Variants in PRKG1 observed in about 807,000 individuals in gnomAD.
PRKG1 encodes the protein cGMP-dependent protein kinase 1.
In PRKG1, 35 loss-of-function variants were observed where a neutral mutation model predicts 88.1. That is an observed-to-expected ratio of 0.40 (90% CI 0.30 to 0.53). The LOEUF (loss-of-function observed/expected upper bound fraction) is 0.53. PRKG1 is among the 20% of genes least tolerant of loss of function. PRKG1 has a pLI of 0.59. For synonymous variants in PRKG1, 303 were observed against 292.5 expected (o/e 1.04, Z -0.37); for missense variants, 540 against 839.8 (o/e 0.64, Z 4.41).
At chr10:51,586,400 A>G (rs146800296) in intron 3 of PRKG1, among the ~76,000 whole-genome samples, 145 of 152,250 alleles carry the variant, frequency 9.5e-4, no homozygotes, top group African/African-American at 3.3e-3. Context: ...GAATGATGAT[A>G]AAAGGAAGAA....
At chr10:51,959,236 A>C (rs887182270) in intron 5 of PRKG1, among the ~76,000 whole-genome samples, 11 of 152,180 alleles carry the variant, frequency 7.2e-5, no homozygotes, top group African/African-American at 2.7e-4. Flanking sequence ...AAATGTGTAC[A>C]AATATGCAAT....
At chr10:51,369,384 T>A (rs1249712024) in intron 2 of PRKG1, among the ~76,000 whole-genome samples, 1 of 151,968 alleles carries the variant, frequency 6.6e-6, no homozygotes. Flanking sequence ...GCAGGAGGGG[T>A]GAGGGAGGTC....
intron 5 of PRKG1, among the ~76,000 whole-genome samples, chr10:51,958,856 A>T (rs1280114763): frequency 6.6e-6 from 1 of 152,102 alleles, no homozygotes; most frequent in Non-Finnish European, 1.5e-5. Flanking sequence ...ACAATGTTAG[A>T]GGTAGAAGGC....
chr10:51,830,438 A>G (rs1455085114), intron 4 of PRKG1, among the ~76,000 whole-genome samples: 1 of 152,074 alleles, frequency 6.6e-6, no homozygotes, highest in Non-Finnish European at 1.5e-5. Context: ...CAGGTCATAC[A>G]TACACATTCA....
chr10:51,196,406 T>G (rs1837766715), intron 2 of PRKG1, among the ~76,000 whole-genome samples: 1 of 152,152 alleles, frequency 6.6e-6, no homozygotes, highest in Non-Finnish European at 1.5e-5. Flanking sequence ...ACCACCATGT[T>G]AGGCAAAATT....
chr10:52,108,843 T>C (rs952239919), intron 7 of PRKG1, among the ~76,000 whole-genome samples: 5 of 150,104 alleles, frequency 3.3e-5, no homozygotes, highest in Non-Finnish European at 5.9e-5. Flanking sequence ...TTTTTTTTTT[T>C]TGAGATGGAG....
At chr10:52,062,652 A>T in intron 7 of PRKG1, 21 bp downstream of exon 7, 1 of 1,552,454 alleles carries the variant, frequency 6.4e-7, no homozygotes, top group Non-Finnish European at 8.8e-7. Flanking sequence ...CATGTGTTAT[A>T]CAGGTTTTTG....
chr10:51,505,639 C>G (rs897196786), intron 3 of PRKG1, among the ~76,000 whole-genome samples: 1 of 152,092 alleles, frequency 6.6e-6, no homozygotes, highest in Non-Finnish European at 1.5e-5. Context: ...ATTATTGCCT[C>G]AATTTCAGAG....
intron 3 of PRKG1, among the ~76,000 whole-genome samples, chr10:51,666,661 C>A (rs1447020061): frequency 6.6e-6 from 1 of 152,146 alleles, no homozygotes. Context: ...ATAAATCCAC[C>A]CACATGGTAG....
intron 3 of PRKG1, among the ~76,000 whole-genome samples, chr10:51,665,489 C>T (rs1164815619): frequency 6.6e-6 from 1 of 152,074 alleles, no homozygotes; most frequent in Non-Finnish European, 1.5e-5. Context: ...ATTATCCACC[C>T]ATAGTCAACA....
rs180825856 is a variant in PRKG1 at position 51,440,961 on chromosome 10, A to G, written c.479-26762A>G. On this transcript the variant is annotated intron_variant, in intron 2 of 17. Coordinates refer to ENST00000373980, the MANE Select transcript of PRKG1 (RefSeq NM_006258.4). ...ATAAAATCAGGAAAAGAATGGGTACAATAAATGTGGACTTTAAACATTAAA... is the reference window on the plus strand; with the variant it reads ...ATAAAATCAGGAAAAGAATGGGTACGATAAATGTGGACTTTAAACATTAAA... 4.1e-3 allele frequency among the ~76,000 whole-genome samples: 621 copies of G among 152,132 alleles called. 7 individuals carry two copies. The highest frequency in any genetic ancestry group is 0.014 in the African/African-American group (596 of 41,566).
At chr10:51,347,932 G>C (rs1055073845) in intron 2 of PRKG1, among the ~76,000 whole-genome samples, 3 of 151,940 alleles carry the variant, frequency 2.0e-5, no homozygotes, top group Admixed American at 6.6e-5. Flanking sequence ...GCATGGTGGC[G>C]GGTGCCTGTA....
intron 2 of PRKG1, among the ~76,000 whole-genome samples, chr10:51,335,138 G>T (rs982449760): frequency 6.7e-6 from 1 of 148,458 alleles, no homozygotes; most frequent in Admixed American, 6.8e-5. Flanking sequence ...TCAGCCACCC[G>T]AGGAGCTGGG....
intron 7 of PRKG1, among the ~76,000 whole-genome samples, chr10:52,116,201 T>G (rs73342957): frequency 6.6e-6 from 1 of 152,148 alleles, no homozygotes; most frequent in Admixed American, 6.5e-5. Context: ...TTTGTTTCCA[T>G]ATTAAGTTAG....
At chr10:50,997,912 TCAC>T (rs561176507) in intron 1 of PRKG1, among the ~76,000 whole-genome samples, 2 of 152,214 alleles carry the variant, frequency 1.3e-5, no homozygotes, top group Non-Finnish European at 2.9e-5. Context: ...TGTCAAACTG[TCAC>T]CACTTTATTA....
intron 7 of PRKG1, chr10:52,125,724 A>T (rs1289298103): frequency 2.0e-5 from 3 of 152,212 alleles, no homozygotes; most frequent in African/African-American, 7.2e-5. Flanking sequence ...CCTTCTTCAC[A>T]ATTTCACAGA....
chr10:51,160,033 T>C (rs903261123), intron 2 of PRKG1, among the ~76,000 whole-genome samples: 4 of 152,164 alleles, frequency 2.6e-5, no homozygotes, highest in African/African-American at 9.7e-5. Flanking sequence ...AAAGTTTGTG[T>C]GGGTTGAGGA....
At chr10:51,591,381 G>T (rs1298426615) in intron 3 of PRKG1, among the ~76,000 whole-genome samples, 1 of 152,154 alleles carries the variant, frequency 6.6e-6, no homozygotes, top group African/African-American at 2.4e-5. Context: ...AGGAATTTAA[G>T]ATCAATTCTG....
chr10:51,526,357 G>C (rs756624169), intron 3 of PRKG1, among the ~76,000 whole-genome samples: 24 of 152,026 alleles, frequency 1.6e-4, no homozygotes, highest in Non-Finnish European at 2.8e-4. Context: ...ACTTAGATTA[G>C]TGCAAAAGTG....
Sources: gnomAD v4.1 joint callset for allele counts (sites outside exome capture counted in the v4.1 genomes callset) on GRCh38, gnomAD v4.1.1 for gene constraint, MANE v1.5 for transcripts, NCBI Gene and HGNC (gene_info 2026-07-23, HGNC 2026-07-21) for gene names.